The following ZEB1 variants were observed in gnomAD, a reference collection of about 807,000 sequenced individuals.
ZEB1 encodes the protein zinc finger E-box binding homeobox 1.
A neutral mutation model predicts 84.9 loss-of-function variants in ZEB1; 21 were observed. The ratio of observed to expected loss-of-function variants is 0.25; its 90% CI spans 0.18 to 0.36. The LOEUF is 0.36. ZEB1 is among the 10% of genes least tolerant of loss of function. ZEB1 has a pLI of 1.00. For missense variants in ZEB1, 1,104 were observed against 1,330.2 expected, an observed-to-expected ratio of 0.83 and a Z score of 2.65; for synonymous variants, 420 against 471.1, an observed-to-expected ratio of 0.89 and a Z score of 1.41.
intron 3 of ZEB1, 121 bp from the exon 4 acceptor site, chr10:31,502,226 AT>A: frequency 3.0e-6 from 3 of 990,418 alleles, no homozygotes; most frequent in Non-Finnish European, 4.4e-6. Context: ...TTTTCAAGAA[AT>A]ATTTTCTGCA....
chr10:31,324,836 A>C (rs2035102439), intron 1 of ZEB1, among the ~76,000 whole-genome samples: 1 of 152,072 alleles, frequency 6.6e-6, no homozygotes, highest in Admixed American at 6.5e-5. Flanking sequence ...CTAAATAATC[A>C]TTCAACTAGA....
intron 2 of ZEB1, among the ~76,000 whole-genome samples, chr10:31,487,166 TAGTA>T (rs1027052870): frequency 6.6e-6 from 1 of 151,534 alleles, no homozygotes; most frequent in Non-Finnish European, 1.5e-5. Flanking sequence ...TGTAGCTTGA[TAGTA>T]AGTCTTAAAA....
At chr10:31,359,437 G>A (rs1355815802) in intron 1 of ZEB1, among the ~76,000 whole-genome samples, 2 of 152,112 alleles carry the variant, frequency 1.3e-5, no homozygotes, top group Non-Finnish European at 2.9e-5. Context: ...CATTTATAAA[G>A]TGCTATAGGC....
intron 1 of ZEB1, among the ~76,000 whole-genome samples, chr10:31,394,927 T>C (rs1040533240): frequency 1.1e-4 from 17 of 151,558 alleles, no homozygotes; most frequent in Non-Finnish European, 4.4e-5. Context: ...TAGAACTTAA[T>C]TGGATGAGGG....
At chr10:31,444,844 G>A (rs1359198185) in intron 1 of ZEB1, among the ~76,000 whole-genome samples, 1 of 151,790 alleles carries the variant, frequency 6.6e-6, no homozygotes, top group Non-Finnish European at 1.5e-5. Context: ...AAGTCAGGTA[G>A]TGTGATGCCT....
intron 1 of ZEB1, among the ~76,000 whole-genome samples, chr10:31,443,969 A>T (rs1564880847): frequency 6.7e-6 from 1 of 149,510 alleles, no homozygotes; most frequent in Non-Finnish European, 1.5e-5. Flanking sequence ...CTAGTTCTAG[A>T]TCCCTGAGGA....
chr10:31,384,735 G>A (rs73260056), intron 1 of ZEB1, among the ~76,000 whole-genome samples: 2,354 of 152,238 alleles, frequency 0.015, 56 homozygotes, highest in African/African-American at 0.053. Flanking sequence ...TTCTGCAGGT[G>A]GAAATGAGGC....
intron 1 of ZEB1, among the ~76,000 whole-genome samples, chr10:31,429,310 C>T (rs999552247): frequency 6.6e-6 from 1 of 152,074 alleles, no homozygotes; most frequent in African/African-American, 2.4e-5. Context: ...GTTTTTCCTT[C>T]ACTTATGAAG....
intron 3 of ZEB1, among the ~76,000 whole-genome samples, chr10:31,497,567 C>T (rs761123199): frequency 2.0e-5 from 3 of 152,066 alleles, no homozygotes; most frequent in African/African-American, 2.4e-5. Flanking sequence ...GGAAATTTAG[C>T]TTTTGAGACT....
chr10:31,357,436 G>A (rs1326492848), intron 1 of ZEB1, among the ~76,000 whole-genome samples: 1 of 152,080 alleles, frequency 6.6e-6, no homozygotes, highest in Non-Finnish European at 1.5e-5. Flanking sequence ...CAGGCTATAA[G>A]AACATAGCGA....
At chr10:31,319,454 G>GCCGCCGCTGCCGGAGCC (rs1433481090) in intron 1 of ZEB1, 162 bp downstream of exon 1, 1 of 673,558 alleles carries the variant, frequency 1.5e-6, no homozygotes, top group Non-Finnish European at 2.5e-6. Flanking sequence ...CCCCTCCGCT[G>GCCGCCGCTGCCGGAGCC]CCGCCGCTGC....
chr10:31,401,712 G>A (rs1409277561), intron 1 of ZEB1, among the ~76,000 whole-genome samples: 1 of 152,092 alleles, frequency 6.6e-6, no homozygotes, highest in Non-Finnish European at 1.5e-5. Flanking sequence ...CCACTAATTT[G>A]TTATCCCATC....
chr10:31,447,760 T>A (rs2059977658), intron 1 of ZEB1, among the ~76,000 whole-genome samples: 1 of 152,202 alleles, frequency 6.6e-6, no homozygotes, highest in African/African-American at 2.4e-5. Flanking sequence ...TTCTGGCTTG[T>A]AGGGTTTCTG....
intron 2 of ZEB1, among the ~76,000 whole-genome samples, chr10:31,477,807 A>C (rs2064449749): frequency 6.6e-6 from 1 of 152,034 alleles, no homozygotes; most frequent in Admixed American, 6.6e-5. Context: ...TTGGCCAACC[A>C]CATGCAGAAA....
chr10:31,363,095 C>T (rs1197093269), intron 1 of ZEB1: 39 of 1,533,848 alleles, frequency 2.5e-5, no homozygotes, highest in East Asian at 4.9e-5. Context: ...GACCTGTGGC[C>T]GGCAGCTCTG....
At chr10:31,409,398 G>A (rs2053787440) in intron 1 of ZEB1, among the ~76,000 whole-genome samples, 1 of 152,180 alleles carries the variant, frequency 6.6e-6, no homozygotes, top group Non-Finnish European at 1.5e-5. Flanking sequence ...GTACCATGCT[G>A]TTTTGGTTAC....
At chr10:31,454,519 C>G (rs989764350) in intron 1 of ZEB1, among the ~76,000 whole-genome samples, 2 of 152,126 alleles carry the variant, frequency 1.3e-5, no homozygotes, top group Admixed American at 6.5e-5. Context: ...TTTAGAAAAC[C>G]CCTTTGTCTC....
intron 2 of ZEB1, among the ~76,000 whole-genome samples, chr10:31,462,406 A>G (rs1304064360): frequency 6.6e-6 from 1 of 152,192 alleles, no homozygotes; most frequent in Non-Finnish European, 1.5e-5. Context: ...GAGAAGAGAG[A>G]TAAATAAGTC....
chr10:31,392,837 AT>A (rs905866523), intron 1 of ZEB1, among the ~76,000 whole-genome samples: 5 of 151,436 alleles, frequency 3.3e-5, no homozygotes, highest in East Asian at 1.9e-4. Context: ...CCATATATAT[AT>A]TTTTTTGTTT....
Sources: allele counts gnomAD v4.1 joint callset (sites outside exome capture counted in the v4.1 genomes callset), GRCh38; gene constraint gnomAD v4.1.1; transcripts MANE v1.5; gene names NCBI Gene and HGNC (gene_info 2026-07-23, HGNC 2026-07-21).